The following KCNMA1 variants were observed in gnomAD, a reference collection of about 807,000 sequenced individuals.
The protein encoded by KCNMA1 is Calcium-activated potassium channel subunit alpha-1.
KCNMA1 carries 29 observed loss-of-function variants against 140.0 expected under a neutral mutation model. The ratio of observed to expected loss-of-function variants is 0.21; its 90% CI spans 0.15 to 0.28. The LOEUF (loss-of-function observed/expected upper bound fraction) is 0.28. Ranked by LOEUF, KCNMA1 falls within the 10% of genes least tolerant of loss-of-function variation. The probability of loss-of-function intolerance (pLI) is 1.00; values close to 1 mark genes in which losing one functional copy is unlikely to be tolerated. For missense variants in KCNMA1, 880 were observed against 1,602.2 expected, an observed-to-expected ratio of 0.55 and a Z score of 7.70; for synonymous variants, 612 against 611.9, an observed-to-expected ratio of 1.00 and a Z score of 0.00.
chr10:77,291,919 C>G (rs2073406540), intron 2 of KCNMA1, among the ~76,000 whole-genome samples: 1 of 152,150 alleles, frequency 6.6e-6, no homozygotes, highest in Non-Finnish European at 1.5e-5. Flanking sequence ...TGCGGAATTC[C>G]CCTCCAGCTC....
intron 21 of KCNMA1, among the ~76,000 whole-genome samples, chr10:76,952,491 T>C (rs1253941388): frequency 1.3e-5 from 2 of 152,170 alleles, no homozygotes; most frequent in Non-Finnish European, 2.9e-5. Flanking sequence ...CACTCCAGCC[T>C]GGCGACAGAG....
At chr10:77,451,912 A>G (rs1012607588) in intron 1 of KCNMA1, among the ~76,000 whole-genome samples, 2 of 152,222 alleles carry the variant, frequency 1.3e-5, no homozygotes, top group Non-Finnish European at 2.9e-5. Flanking sequence ...AACTAGGCCT[A>G]ACAAGTATTT....
intron 20 of KCNMA1, among the ~76,000 whole-genome samples, chr10:76,964,609 T>G (rs1231089114): frequency 1.3e-5 from 2 of 152,182 alleles, no homozygotes; most frequent in South Asian, 2.1e-4. Flanking sequence ...GTCCCTGCCT[T>G]CCTTCTTTCT....
intron 2 of KCNMA1, among the ~76,000 whole-genome samples, chr10:77,300,991 C>A (rs1370475072): frequency 1.3e-5 from 2 of 152,194 alleles, no homozygotes; most frequent in Non-Finnish European, 2.9e-5. Context: ...AAAAGCTCCC[C>A]AGATGGTTGT....
chr10:77,031,530 A>G (rs2093938539), intron 15 of KCNMA1, among the ~76,000 whole-genome samples: 1 of 152,252 alleles, frequency 6.6e-6, no homozygotes. Flanking sequence ...CAAAATACAA[A>G]TCAAGTATAA....
intron 5 of KCNMA1, among the ~76,000 whole-genome samples, chr10:77,156,726 T>C (rs958997617): frequency 2.6e-5 from 4 of 152,172 alleles, no homozygotes; most frequent in African/African-American, 9.7e-5. Context: ...ATCACTACTG[T>C]AGAACTGAAG....
intron 1 of KCNMA1, among the ~76,000 whole-genome samples, chr10:77,505,214 CA>C (rs2045398324): frequency 6.6e-6 from 1 of 152,228 alleles, no homozygotes; most frequent in African/African-American, 2.4e-5. Context: ...GCAAGTTTCT[CA>C]CCAGCAGGAA....
At position 77,230,725 on chromosome 10, in the gene KCNMA1, C is replaced by T. The variant is rs566528496; in HGVS notation, c.602+20470G>A. On this transcript the variant is annotated intron_variant, in intron 3 of 27. Transcript: ENST00000286628. ...ATTCTTTCTCAAGTGTAACTGAGAG[C>T]CTCCCAGTTCCTGCCTCTTTGGCTC... Among the ~76,000 whole-genome samples, 8 of 152,254 alleles carry T rather than the reference C, an allele frequency of 5.3e-5. No individual in the cohort carries two copies. In the East Asian group the frequency reaches 1.5e-3, roughly 29 times the overall value.
intron 19 of KCNMA1, among the ~76,000 whole-genome samples, chr10:76,987,386 C>T (rs115434902): frequency 6.6e-6 from 1 of 152,158 alleles, no homozygotes; most frequent in African/African-American, 2.4e-5. Context: ...GATGGCAGTA[C>T]TTGAGCTGTA....
At chr10:77,467,327 G>T (rs1483967260) in intron 1 of KCNMA1, among the ~76,000 whole-genome samples, 1 of 152,202 alleles carries the variant, frequency 6.6e-6, no homozygotes, top group Non-Finnish European at 1.5e-5. Context: ...CTCTCTGTTG[G>T]TTGCATTTTT....
At chr10:77,577,795 C>T (rs1461496014) in intron 1 of KCNMA1, among the ~76,000 whole-genome samples, 2 of 152,206 alleles carry the variant, frequency 1.3e-5, no homozygotes, top group African/African-American at 2.4e-5. Context: ...GTGCTGGTGA[C>T]ATCCCCCTGC....
intron 11 of KCNMA1, among the ~76,000 whole-genome samples, 184 bp downstream of exon 11, chr10:77,086,304 A>G (rs1362537222): frequency 6.6e-6 from 1 of 152,150 alleles, no homozygotes; most frequent in Non-Finnish European, 1.5e-5. Context: ...ATGCCAGCAG[A>G]AGGAGGTCCT....
Position 77,246,190 on chromosome 10 carries a change from T to G in KCNMA1, c.602+5005A>C, listed in dbSNP as rs77425997. ...ATCTGGAAATTTACTTCTTGACACT[T>G]AGAAGAGAGATGGCTTTAGAATGAG... On this transcript the variant is annotated intron_variant, in intron 3 of 27. Coordinates refer to ENST00000286628, the MANE Select transcript of KCNMA1 (RefSeq NM_001161352.2). Among the ~76,000 whole-genome samples, 7 of 152,354 alleles carry G rather than the reference T, an allele frequency of 4.6e-5. No individual in the cohort carries two copies. In the East Asian group the frequency reaches 1.3e-3, roughly 29 times the overall value.
At chr10:76,915,115 T>A in intron 23 of KCNMA1, 66 bp from the exon 24 acceptor site, 1 of 1,070,718 alleles carries the variant, frequency 9.3e-7, no homozygotes, top group Non-Finnish European at 1.5e-6. Flanking sequence ...ATAATCAGAG[T>A]ACACTATATA....
intron 2 of KCNMA1, among the ~76,000 whole-genome samples, chr10:77,363,930 T>A (rs1243615974): frequency 1.3e-5 from 2 of 152,328 alleles, no homozygotes; most frequent in Non-Finnish European, 2.9e-5. Context: ...CATGACGATA[T>A]GTTTTTGTGT....
chr10:77,117,556 A>G (rs866204152), intron 6 of KCNMA1, among the ~76,000 whole-genome samples: 5 of 150,438 alleles, frequency 3.3e-5, no homozygotes, highest in Admixed American at 1.3e-4. Flanking sequence ...AAAAAAAAAA[A>G]AAAAAAAAAG....
chr10:77,094,980 A>G (rs1299529088), intron 9 of KCNMA1, among the ~76,000 whole-genome samples: 1 of 152,058 alleles, frequency 6.6e-6, no homozygotes, highest in Non-Finnish European at 1.5e-5. Flanking sequence ...GATTACAGGC[A>G]TGAGCCACCG....
intron 1 of KCNMA1, among the ~76,000 whole-genome samples, chr10:77,453,013 A>G (rs1013182991): frequency 1.3e-5 from 2 of 152,180 alleles, no homozygotes; most frequent in African/African-American, 4.8e-5. Context: ...CGGGGTTGCT[A>G]TAAGGACAGA....
At chr10:77,522,136 C>T (rs1452445996) in intron 1 of KCNMA1, among the ~76,000 whole-genome samples, 3 of 151,666 alleles carry the variant, frequency 2.0e-5, no homozygotes, top group African/African-American at 7.3e-5. Flanking sequence ...GATCATGTCA[C>T]TGCACTACTC....
Sources: gnomAD v4.1 joint callset for allele counts (sites outside exome capture counted in the v4.1 genomes callset) on GRCh38, gnomAD v4.1.1 for gene constraint, MANE v1.5 for transcripts, NCBI Gene and HGNC (gene_info 2026-07-23, HGNC 2026-07-21) for gene names.